MARCHF6: variants seen among roughly 807,000 people sequenced by gnomAD.
The protein encoded by MARCHF6 is E3 ubiquitin-protein ligase MARCHF6.
A neutral mutation model predicts 133.7 loss-of-function variants in MARCHF6; 31 were observed. That is an observed-to-expected ratio of 0.23 (90% confidence interval 0.17 to 0.31). The LOEUF is 0.31. MARCHF6 is among the 10% of genes least tolerant of loss of function. The probability of loss-of-function intolerance (pLI) is 1.00; values close to 1 mark genes in which losing one functional copy is unlikely to be tolerated. For missense variants in MARCHF6, 723 were observed against 1,121.6 expected, an observed-to-expected ratio of 0.64 and a Z score of 5.08; for synonymous variants, 395 against 402.5, an observed-to-expected ratio of 0.98 and a Z score of 0.22.
At chr5:10,413,573 A>C (rs1462761267) in intron 19 of MARCHF6, 3 of 152,226 alleles carry the variant, frequency 2.0e-5, no homozygotes, top group Admixed American at 6.5e-5. Context: ...GCTAATAAAT[A>C]ATCTGAGACT....
In MARCHF6 at chr5:10,354,874, G is replaced by C. The variant is rs972483538; in HGVS notation, c.19+957G>C. 3.3e-5 allele frequency among the ~76,000 whole-genome samples: 5 copies of C among 152,246 alleles called. No individual in the cohort carries two copies. The South Asian group carries it at 1.0e-3, about 32-fold the overall frequency. The stretch of plus-strand genomic sequence containing the variant: ...AAACGAAAATGAATTATCAAACGCC[G>C]TCATGGAGTGCAATAATGAGTGAAA... On this transcript the variant is annotated intron_variant, in intron 1 of 25. Coordinates refer to ENST00000274140, the MANE Select transcript of MARCHF6 (RefSeq NM_005885.4).
intron 24 of MARCHF6, among the ~76,000 whole-genome samples, chr5:10,429,220 T>C (rs1420646645): frequency 4.6e-5 from 7 of 152,176 alleles, no homozygotes; most frequent in Admixed American, 3.9e-4. Context: ...GCCAAAGAAG[T>C]ATTAAAACTC....
chr5:10,422,997 TTTC>T (rs1739902897), intron 22 of MARCHF6, among the ~76,000 whole-genome samples: 1 of 151,878 alleles, frequency 6.6e-6, no homozygotes, highest in Non-Finnish European at 1.5e-5. Context: ...TTACATGTGG[TTTC>T]TTTTTTTTTT....
chr5:10,394,885 C>T lies in MARCHF6; in HGVS notation c.861+100C>T, dbSNP rs113221603. 10,913 of 691,368 alleles carry T rather than the reference C, an allele frequency of 0.016. 913 individuals carry two copies. In the African/African-American group the frequency reaches 0.17, roughly 11 times the overall value. 42.8% of individuals were successfully genotyped at this position (691,368 alleles called of 1,614,324 possible). ...CGTGATCTTGGCTCACTGCAACCTC[C>T]GTCTCCTGGGTTCATGCCATTCTCC... On this transcript the variant is annotated intron_variant, in intron 9 of 25. Transcript: ENST00000274140.
In MARCHF6 at chr5:10,377,914, A is replaced by G; in HGVS notation, c.116+20A>G. On this transcript the variant is annotated intron_variant, in intron 2 of 25. Transcript: ENST00000274140. ...AGAATGGTAAGTCATACTTTTAGAAAGTTATGTAAGTCTGAGCTTCAGTTT... is the reference window on the plus strand; with the variant it reads ...AGAATGGTAAGTCATACTTTTAGAAGGTTATGTAAGTCTGAGCTTCAGTTT... 1 of 1,464,056 alleles carries G rather than the reference A, an allele frequency of 6.8e-7. No homozygotes were observed. Among genetic ancestry groups the G allele is most frequent in the Non-Finnish European group, 9.6e-7 (1 of 1,043,628 alleles). The allele number at this position is 1,464,056 out of a possible 1,614,324, so 90.7% of individuals were successfully genotyped here. A position where few individuals can be genotyped will look rare whatever the true frequency, so the allele number is the denominator to read the frequency against.
chr5:10,397,374 TAG>T, intron 10 of MARCHF6, 30 bp downstream of exon 10: 2 of 1,477,456 alleles, frequency 1.4e-6, no homozygotes, highest in Non-Finnish European at 1.8e-6. Flanking sequence ...TTTTTTTTTA[TAG>T]TATTATGGTA....
Position 10,382,723 on chromosome 5 carries a change from A to G in MARCHF6, c.334+780A>G, listed in dbSNP as rs375212135. Among the ~76,000 whole-genome samples the G allele has an allele frequency of 5.6e-4, 86 of 152,294 alleles. 2 individuals are homozygous for G. In the South Asian group the frequency reaches 0.011, roughly 19 times the overall value. ...GTGCCTGTAATCTCAGCTACTCAGG[A>G]GGCTGAGACAGGAGAATCACTTGAA... On this transcript the variant is annotated intron_variant, in intron 4 of 25. Transcript: ENST00000274140.
chr5:10,357,180 C>G (rs1427250959), intron 1 of MARCHF6, among the ~76,000 whole-genome samples: 2 of 148,540 alleles, frequency 1.3e-5, no homozygotes, highest in Non-Finnish European at 3.0e-5. Context: ...TTCTCAGTTT[C>G]AGAGAAAAGT....
chr5:10,405,952 T>C (rs1738860491), intron 16 of MARCHF6, among the ~76,000 whole-genome samples: 1 of 152,088 alleles, frequency 6.6e-6, no homozygotes, highest in Non-Finnish European at 1.5e-5. Flanking sequence ...GGCTGGGTAC[T>C]GGTGCATGTC....
Position 10,383,055 on chromosome 5 carries a change from T to TC in MARCHF6, c.334+1112_334+1113insC, listed in dbSNP as rs1180523403. Reference sequence around the variant, plus strand: ...TAGATAAGATTCATTAGAGTTAAACTAAATGTTTAATTAGTATAATTGATA... The same window carrying TC: ...TAGATAAGATTCATTAGAGTTAAACTCAAATGTTTAATTAGTATAATTGATA... On this transcript the variant is annotated intron_variant, in intron 4 of 25. Coordinates refer to ENST00000274140, the MANE Select transcript of MARCHF6 (RefSeq NM_005885.4). 3.3e-5 allele frequency among the ~76,000 whole-genome samples: 5 copies of TC among 152,256 alleles called. No individual in the cohort carries two copies. In the East Asian group the frequency reaches 9.6e-4, roughly 29 times the overall value.
At chr5:10,401,879 ACAGT>A (rs962700055) in intron 11 of MARCHF6, 176 bp from the exon 12 acceptor site, 11 of 590,614 alleles carry the variant, frequency 1.9e-5, no homozygotes, top group Non-Finnish European at 3.3e-5. Flanking sequence ...GTAATATATA[ACAGT>A]CAGTGAGAGA....
At chr5:10,360,442 T>C (rs552858040) in intron 1 of MARCHF6, among the ~76,000 whole-genome samples, 6 of 152,206 alleles carry the variant, frequency 3.9e-5, no homozygotes, top group East Asian at 3.9e-4. Context: ...CCCGGCTGTA[T>C]GTGGATTTTT....
At position 10,390,468 on chromosome 5, in the gene MARCHF6, C is replaced by G; in HGVS notation, c.544C>G (p.Pro182Ala). 5 of 1,613,958 alleles carry G rather than the reference C, an allele frequency of 3.1e-6. No homozygotes were observed. The highest frequency in any genetic ancestry group is 3.4e-6 in the Non-Finnish European group (4 of 1,179,978). ...AATTTGGTTGGAGCATGCTGCCCCACCGTTCAATGCTGCGGGGCATCACCA... is the reference window on the plus strand; with the variant it reads ...AATTTGGTTGGAGCATGCTGCCCCAGCGTTCAATGCTGCGGGGCATCACCA... Reference protein sequence around the residue: ...APIWLEHAAPPFNAAGHHQNE... With the variant: ...APIWLEHAAPAFNAAGHHQNE... The change falls in exon 6 of 26, where the codon CCG (proline) becomes GCG (alanine). Residue 182 changes from proline to alanine, a missense_variant. Transcript: ENST00000274140.
chr5:10,381,650 A>G (rs771700300), intron 3 of MARCHF6, 150 bp from the exon 4 acceptor site: 9 of 598,832 alleles, frequency 1.5e-5, no homozygotes, highest in Admixed American at 3.8e-5. Context: ...TAAATGTGAT[A>G]TTATAACTAT....
At chr5:10,379,847 TCTC>T (rs1213209674) in intron 3 of MARCHF6, among the ~76,000 whole-genome samples, 1 of 152,056 alleles carries the variant, frequency 6.6e-6, no homozygotes, top group Non-Finnish European at 1.5e-5. Flanking sequence ...CTCAAGCAAT[TCTC>T]CTGTCACAGC....
intron 1 of MARCHF6, among the ~76,000 whole-genome samples, chr5:10,374,650 A>T (rs933712913): frequency 1.3e-5 from 2 of 152,208 alleles, no homozygotes; most frequent in Non-Finnish European, 2.9e-5. Context: ...GTTTTTGCCA[A>T]GGATGTTTTC....
rs1289839207 is a variant in MARCHF6, at chr5:10,435,645, ATATATATATATATAT to A, written c.*1962_*1976del. 169 of 2,126 alleles carry A rather than the reference ATATATATATATATAT, an allele frequency of 0.079. 9 individuals are homozygous for A. Among genetic ancestry groups the A allele is most frequent in the African/African-American group, 0.15 (149 of 970 alleles). The allele number at this position is 2,126 out of a possible 1,614,324, so 0.1% of individuals were successfully genotyped here. On this transcript the variant is annotated 3_prime_UTR_variant, in exon 26 of 26. Transcript: ENST00000274140. Reference sequence around the variant, plus strand: ...TAACTATATAACTATATAACTATATATATATATATATATATATATATATATATATATATATATATA... The same window carrying A: ...TAACTATATAACTATATAACTATATAATATATATATATATATATATATATA...
intron 22 of MARCHF6, among the ~76,000 whole-genome samples, chr5:10,420,007 C>A (rs1739748792): frequency 6.6e-6 from 1 of 151,966 alleles, no homozygotes; most frequent in Non-Finnish European, 1.5e-5. Flanking sequence ...GCTGATAATA[C>A]CCTAACCCAG....
intron 16 of MARCHF6, among the ~76,000 whole-genome samples, chr5:10,406,552 G>A (rs1738905481): frequency 6.6e-6 from 1 of 151,968 alleles, no homozygotes; most frequent in African/African-American, 2.4e-5. Context: ...ACCAAGCTCA[G>A]CTAATTTTTG....
Sources: gnomAD v4.1 joint callset for allele counts (sites outside exome capture counted in the v4.1 genomes callset) on GRCh38, gnomAD v4.1.1 for gene constraint, MANE v1.5 for transcripts, NCBI Gene and HGNC (gene_info 2026-07-23, HGNC 2026-07-21) for gene names.